GALNT2: variants seen among roughly 807,000 people sequenced by gnomAD.
GALNT2 encodes polypeptide N-acetylgalactosaminyltransferase 2.
A neutral mutation model predicts 81.4 loss-of-function variants in GALNT2; 31 were observed. That is an observed-to-expected ratio of 0.38 (90% CI 0.29 to 0.51). The LOEUF (loss-of-function observed/expected upper bound fraction) is 0.51, where lower values mean the gene tolerates loss of function less well. Among genes scored for constraint, GALNT2 ranks in the 20% least tolerant of loss-of-function variants. The probability of loss-of-function intolerance (pLI) is 0.87; values close to 1 mark genes in which losing one functional copy is unlikely to be tolerated. For synonymous variants in GALNT2, 303 were observed against 287.4 expected, an observed-to-expected ratio of 1.05 and a Z score of -0.55; for missense variants, 629 against 765.7, an observed-to-expected ratio of 0.82 and a Z score of 2.11.
chr1:230,241,743 G>A (rs71654316), intron 6 of GALNT2, among the ~76,000 whole-genome samples: 1 of 152,106 alleles, frequency 6.6e-6, no homozygotes, highest in Non-Finnish European at 1.5e-5. Context: ...CACCACGCCC[G>A]GCCATGAGTT....
intron 3 of GALNT2, 51 bp from the exon 4 acceptor site, chr1:230,235,963 G>A (rs376778476): frequency 9.0e-6 from 14 of 1,562,744 alleles, no homozygotes; most frequent in Non-Finnish European, 1.2e-5. Context: ...TAAACAAGCT[G>A]TGGCTGCTCT....
chr1:230,207,657 T>C (rs10779839), intron 3 of GALNT2, among the ~76,000 whole-genome samples: 126,720 of 152,064 alleles, frequency 0.83, 53,422 homozygotes, highest in East Asian at 0.98. Flanking sequence ...GGTACAATTT[T>C]GGCTCACTGT....
At chr1:230,209,289 G>A (rs1234807673) in intron 3 of GALNT2, among the ~76,000 whole-genome samples, 3 of 152,158 alleles carry the variant, frequency 2.0e-5, no homozygotes, top group Non-Finnish European at 4.4e-5. Flanking sequence ...AAACCCCAGA[G>A]TGACTGTATT....
At chr1:230,217,086 TA>T (rs934555138) in intron 3 of GALNT2, among the ~76,000 whole-genome samples, 11 of 150,446 alleles carry the variant, frequency 7.3e-5, no homozygotes, top group East Asian at 3.9e-4. Flanking sequence ...AACAAAACAT[TA>T]AAAAAAAACT....
intron 2 of GALNT2, among the ~76,000 whole-genome samples, chr1:230,184,736 G>A (rs944715254): frequency 2.0e-5 from 3 of 151,906 alleles, no homozygotes; most frequent in African/African-American, 4.8e-5. Flanking sequence ...ATACTATTCT[G>A]TGTGTTCTCT....
chr1:230,168,337 G>A (rs538292453), intron 1 of GALNT2, among the ~76,000 whole-genome samples: 5 of 152,224 alleles, frequency 3.3e-5, no homozygotes, highest in Non-Finnish European at 5.9e-5. Context: ...AGCTGCATGC[G>A]AGTGGCATCC....
intron 1 of GALNT2, among the ~76,000 whole-genome samples, chr1:230,104,030 C>T (rs1660472008): frequency 6.6e-6 from 1 of 152,182 alleles, no homozygotes. Context: ...CTAATTGATT[C>T]AGCTTGTGCT....
chr1:230,251,635 A>C (rs920110135), intron 10 of GALNT2, among the ~76,000 whole-genome samples: 29 of 152,210 alleles, frequency 1.9e-4, no homozygotes, highest in African/African-American at 6.5e-4. Context: ...ACTTGAGTAC[A>C]AAAGGCTTCA....
intron 1 of GALNT2, among the ~76,000 whole-genome samples, chr1:230,158,901 A>G (rs6541298): frequency 0.99 from 150,429 of 152,326 alleles, 74,295 homozygotes; most frequent in East Asian, 1. Context: ...AGAGGATTGA[A>G]CCTTGGACCT....
chr1:230,197,940 G>A (rs1663752743), intron 2 of GALNT2, among the ~76,000 whole-genome samples: 1 of 152,190 alleles, frequency 6.6e-6, no homozygotes, highest in Non-Finnish European at 1.5e-5. Flanking sequence ...CGGGAGGGCT[G>A]ACAGGCTTTG....
chr1:230,270,343 C>G (rs1047659574), intron 14 of GALNT2, among the ~76,000 whole-genome samples: 4 of 152,224 alleles, frequency 2.6e-5, no homozygotes, highest in African/African-American at 9.6e-5. Context: ...TTGGGAGCAC[C>G]TTACTGCCTG....
At chr1:230,110,882 C>T (rs1660682590) in intron 1 of GALNT2, among the ~76,000 whole-genome samples, 1 of 152,120 alleles carries the variant, frequency 6.6e-6, no homozygotes, top group Non-Finnish European at 1.5e-5. Context: ...GGGTTACTGA[C>T]AGACCATGGG....
At chr1:230,268,069 GA>G (rs938846319) in intron 14 of GALNT2, among the ~76,000 whole-genome samples, 1 of 152,182 alleles carries the variant, frequency 6.6e-6, no homozygotes, top group African/African-American at 2.4e-5. Context: ...TGAGCTTGGG[GA>G]GAGATGTTTT....
intron 1 of GALNT2, among the ~76,000 whole-genome samples, chr1:230,141,391 C>G (rs1328211868): frequency 6.6e-6 from 1 of 152,166 alleles, no homozygotes; most frequent in Non-Finnish European, 1.5e-5. Flanking sequence ...CTCACGCATC[C>G]ACAGAACTCT....
At chr1:230,153,900 C>T (rs1572026000) in intron 1 of GALNT2, among the ~76,000 whole-genome samples, 1 of 152,184 alleles carries the variant, frequency 6.6e-6, no homozygotes, top group Non-Finnish European at 1.5e-5. Context: ...AACAAAACAA[C>T]AACAAAAAAG....
intron 1 of GALNT2, among the ~76,000 whole-genome samples, chr1:230,130,308 C>A (rs1218504682): frequency 1.3e-5 from 2 of 152,210 alleles, no homozygotes; most frequent in Non-Finnish European, 2.9e-5. Context: ...CCTCATGATA[C>A]CTTAGCTCAT....
At chr1:230,173,975 G>A (rs186899052) in intron 1 of GALNT2, among the ~76,000 whole-genome samples, 5 of 152,234 alleles carry the variant, frequency 3.3e-5, no homozygotes, top group Non-Finnish European at 7.4e-5. Context: ...GTACCATAAG[G>A]ATACAGAAGG....
At position 230,280,854 on chromosome 1, in the gene GALNT2, CACAG is replaced by C. The variant is rs1666417226; in HGVS notation, c.*1401_*1404del. On this transcript the variant is annotated 3_prime_UTR_variant, in exon 16 of 16. Coordinates refer to ENST00000366672, the MANE Select transcript of GALNT2 (RefSeq NM_004481.5). Reference sequence around the variant, plus strand: ...CAGGAGCCTTGGGGTCCTGTTAAACCACAGACAGTTATGAACTGAAAGTCATAAC... The same window carrying C: ...CAGGAGCCTTGGGGTCCTGTTAAACCACAGTTATGAACTGAAAGTCATAAC... 1 of 152,260 alleles carries C rather than the reference CACAG, an allele frequency of 6.6e-6. No individual in the cohort carries two copies. Among genetic ancestry groups the C allele is most frequent in the Non-Finnish European group, 1.5e-5 (1 of 68,076 alleles). The allele number at this position is 152,260 out of a possible 1,614,324, so 9.4% of individuals were successfully genotyped here.
Position 230,279,401 on chromosome 1 carries a change from G to T in GALNT2, c.1659G>T (p.Glu553Asp). The change falls in exon 16 of 16, where the codon GAG becomes GAT. Residue 553 changes from glutamate to aspartate, a missense_variant. Coordinates refer to ENST00000366672, the MANE Select transcript of GALNT2 (RefSeq NM_004481.5). The surrounding 1 kb of genome is among the most constrained non-coding windows in gnomAD (Gnocchi z 4.6). Reference sequence around the variant, plus strand: ...CCAAGAGCGGGGGCCTAAGCGTGGAGGTGTGTGGCCCGGCCCTTTCGCAGC... The same window carrying T: ...CCAAGAGCGGGGGCCTAAGCGTGGATGTGTGTGGCCCGGCCCTTTCGCAGC... Reference protein sequence around the residue: ...RTAKSGGLSVEVCGPALSQQW... With the variant: ...RTAKSGGLSVDVCGPALSQQW... 6.2e-7 allele frequency: 1 copy of T among 1,614,172 alleles called. No individual in the cohort carries two copies. Among genetic ancestry groups the T allele is most frequent in the South Asian group, 1.1e-5 (1 of 91,078 alleles).
Sources: allele counts gnomAD v4.1 joint callset (sites outside exome capture counted in the v4.1 genomes callset), GRCh38; gene constraint gnomAD v4.1.1; non-coding constraint Gnocchi (gnomAD v3.1); transcripts MANE v1.5; gene names NCBI Gene and HGNC (gene_info 2026-07-23, HGNC 2026-07-21).